The following AATK variants were observed in gnomAD, a reference collection of about 807,000 sequenced individuals.
AATK encodes the protein serine/threonine-protein kinase LMTK1.
AATK carries 91 observed loss-of-function variants against 114.3 expected under a neutral mutation model. The ratio of observed to expected loss-of-function variants is 0.80; its 90% CI spans 0.67 to 0.95. AATK has a LOEUF of 0.95. Ranked by LOEUF, AATK falls within the 40% of genes least tolerant of loss-of-function variation. AATK has a pLI of 0.00. For synonymous variants in AATK, 1,075 were observed against 916.5 expected (o/e 1.17, Z -3.12); for missense variants, 2,176 against 1,965.2 (o/e 1.11, Z -2.03).
At chr17:81,148,943 C>T (rs1330334698) in intron 1 of AATK, among the ~76,000 whole-genome samples, 1 of 152,168 alleles carries the variant, frequency 6.6e-6, no homozygotes, top group Non-Finnish European at 1.5e-5. Flanking sequence ...GGGCAGTTGG[C>T]GAGGTGTCCC....
rs547213048 is a variant in AATK, at chr17:81,158,716, G to A, written c.55+7222C>T. Among the ~76,000 whole-genome samples the A allele has an allele frequency of 9.8e-4, 149 of 152,362 alleles. 2 individuals carry two copies. The South Asian group carries it at 0.03, about 30-fold the overall frequency. On this transcript the variant is annotated intron_variant, in intron 1 of 13. Coordinates refer to ENST00000326724, the MANE Select transcript of AATK (RefSeq NM_001080395.3). ...AGAAGAGCTGGGCAGGACCTGGAAAGGCTCCTGACATCTTTCGCCACAGAA... is the reference window on the plus strand; with the variant it reads ...AGAAGAGCTGGGCAGGACCTGGAAAAGCTCCTGACATCTTTCGCCACAGAA...
chr17:81,122,242 T>G lies in AATK; in HGVS notation c.1694A>C (p.Asp565Ala). 3.3e-6 allele frequency: 5 copies of G among 1,492,754 alleles called. No individual in the cohort carries two copies. Among genetic ancestry groups the G allele is most frequent in the Non-Finnish European group, 4.4e-6 (5 of 1,123,836 alleles). The allele number at this position is 1,492,754 out of a possible 1,614,324, so 92.5% of individuals were successfully genotyped here. ...GGCCAGCGAGGCGGCGGTGCTGCCG[T>G]CAGAGTCGTCGTCCTGGTCCGCGGT... Reference protein sequence around the residue: ...PATADQDDDSDGSTAASLAME... With the variant: ...PATADQDDDSAGSTAASLAME... Residue 565 changes from aspartate to alanine, a missense_variant, in exon 11 of 14, where the codon GAC becomes GCC. Asp to Ala is a moderately radical substitution (Grantham distance 126, BLOSUM62 -2). Around this residue, in one of 4 missense-constraint regions of AATK, gnomAD observed 1,701 missense variants for 1,394.7 expected, o/e 1.22. Transcript: ENST00000326724.
Position 81,120,473 on chromosome 17 carries a change from C to G in AATK, c.3463G>C (p.Glu1155Gln). ...LALPGLPAAL[E>Q]GRPEEEEEDS... ...TCCTCCTCCTCCTCCGGCCGGCCCT[C>G]CAAGGCCGCAGGGAGGCCGGGCAGA... Residue 1155 changes from glutamate to glutamine, a missense_variant, in exon 11 of 14, where the codon GAG (glutamate) becomes CAG (glutamine). By Grantham distance (29) the Glu-to-Gln change is conservative. Coordinates refer to ENST00000326724, the MANE Select transcript of AATK (RefSeq NM_001080395.3). 1 of 1,531,086 alleles carries G rather than the reference C, an allele frequency of 6.5e-7. No homozygotes were observed. The highest frequency in any genetic ancestry group is 1.4e-5 in the African/African-American group (1 of 72,696). 94.8% of individuals were successfully genotyped at this position (1,531,086 alleles called of 1,614,324 possible).
chr17:81,120,670 ACCTTGGCTGGG>A lies in AATK; in HGVS notation c.3255_3265del (p.Pro1086AlafsTer27). 1 of 1,517,212 alleles carries A rather than the reference ACCTTGGCTGGG, an allele frequency of 6.6e-7. No individual in the cohort carries two copies. Among genetic ancestry groups the A allele is most frequent in the East Asian group, 2.3e-5 (1 of 42,804 alleles). The allele number at this position is 1,517,212 out of a possible 1,614,324, so 94.0% of individuals were successfully genotyped here. ...GCAGCTGGGGCTGGGCCCAGGCCGC[ACCTTGGCTGGG>A]CCTTGGGGCTCCGGAGGCTCTGGGA... On this transcript the variant is annotated frameshift_variant, in exon 11 of 14. Transcript: ENST00000326724. LOFTEE classifies it high-confidence loss of function.
At chr17:81,129,648 T>A (rs917039142) in intron 3 of AATK, among the ~76,000 whole-genome samples, 2 of 152,166 alleles carry the variant, frequency 1.3e-5, no homozygotes, top group African/African-American at 4.8e-5. Context: ...TTCGGGCTCC[T>A]GTTCGCCAAC....
At chr17:81,139,094 ACAC>A (rs1263250279) in intron 1 of AATK, among the ~76,000 whole-genome samples, 1 of 152,228 alleles carries the variant, frequency 6.6e-6, no homozygotes, top group Non-Finnish European at 1.5e-5. Context: ...ACATGTGCAC[ACAC>A]ATCCCCTGGC....
At chr17:81,164,569 C>T (rs574431193) in intron 1 of AATK, among the ~76,000 whole-genome samples, 5 of 152,326 alleles carry the variant, frequency 3.3e-5, no homozygotes, top group South Asian at 2.1e-4. Flanking sequence ...TGCTCGAAGG[C>T]GGGGGAAAGG....
intron 3 of AATK, chr17:81,129,069 G>A (rs1022816499): frequency 7.8e-5 from 22 of 282,178 alleles, no homozygotes; most frequent in East Asian, 1.5e-4. Flanking sequence ...TGAGGTCAGC[G>A]GGAGGAAGGG....
chr17:81,138,770 T>C (rs548457067), intron 1 of AATK, among the ~76,000 whole-genome samples: 2 of 135,824 alleles, frequency 1.5e-5, no homozygotes, highest in Non-Finnish European at 3.1e-5. Context: ...CACACCCACA[T>C]GCACGCACAC....
chr17:81,123,376 C>A, intron 9 of AATK, 33 bp from the exon 10 acceptor site: 1 of 1,332,768 alleles, frequency 7.5e-7, no homozygotes. Context: ...CAGGGCTGGG[C>A]ACAGCCTGCC....
intron 1 of AATK, among the ~76,000 whole-genome samples, chr17:81,138,735 GCACA>G (rs371634539): frequency 1.4e-4 from 20 of 142,860 alleles, no homozygotes; most frequent in African/African-American, 2.4e-4. Context: ...ACACATGCGC[GCACA>G]CAGATACCAA....
chr17:81,155,708 T>C (rs1412211448), intron 1 of AATK, among the ~76,000 whole-genome samples: 3 of 144,510 alleles, frequency 2.1e-5, no homozygotes, highest in African/African-American at 8.1e-5. Flanking sequence ...TTTTTTTTAA[T>C]AAGGTCTCAC....
In AATK at chr17:81,133,574, G is replaced by A. The variant is rs1040548227; in HGVS notation, c.189+794C>T. 7.9e-5 allele frequency among the ~76,000 whole-genome samples: 12 copies of A among 152,188 alleles called. No individual in the cohort carries two copies. In the East Asian group the frequency reaches 2.3e-3, roughly 29 times the overall value. ...CCCGTGGGCGTGTGAACCACCAGAG[G>A]TCCAGGCCAGGGTGTCATTTGCTCA... On this transcript the variant is annotated intron_variant, in intron 2 of 13. Transcript: ENST00000326724.
chr17:81,145,181 C>G (rs1354185062), intron 1 of AATK, among the ~76,000 whole-genome samples: 1 of 144,464 alleles, frequency 6.9e-6, no homozygotes, highest in Admixed American at 7.3e-5. Flanking sequence ...TGCAGTGAGT[C>G]AAGATTGTGC....
rs370478912 is a variant in AATK, at chr17:81,128,458, C to T, written c.414+12G>A. The T allele has an allele frequency of 1.9e-4, 289 of 1,548,556 alleles. 2 individuals carry two copies. In the African/African-American group the frequency reaches 2.5e-3, roughly 14 times the overall value. On this transcript the variant is annotated intron_variant, in intron 4 of 13. Transcript: ENST00000326724. ...CCAGGCGGGAGTCCTCCCTCCCAGG[C>T]GGGACACGTACCTTCCCGAACCAGC...
In AATK at chr17:81,120,958, C is replaced by T. The variant is rs370391415; in HGVS notation, c.2978G>A (p.Arg993Gln). The change falls in exon 11 of 14, where the codon CGA (arginine) becomes CAA (glutamine). Residue 993 changes from arginine to glutamine, a missense_variant. Arg to Gln is a conservative substitution (Grantham distance 43). This residue lies in a region of AATK where 1,701 missense variants were observed against 1,394.7 expected (regional missense o/e 1.22). Transcript: ENST00000326724. ...LSGLNEKNPYRDSAYFSDLEA... is the reference protein window; with the variant it reads ...LSGLNEKNPYQDSAYFSDLEA... ...GAGGTCTGAGAAGTAGGCAGAGTCTCGGTAGGGATTCTTCTCGTTGAGGCC... is the reference window on the plus strand; with the variant it reads ...GAGGTCTGAGAAGTAGGCAGAGTCTTGGTAGGGATTCTTCTCGTTGAGGCC... 22 of 1,609,296 alleles carry T rather than the reference C, an allele frequency of 1.4e-5. No individual in the cohort carries two copies. The highest frequency in any genetic ancestry group is 4.0e-5 in the African/African-American group (3 of 74,782).
At chr17:81,134,540 G>A (rs1375334795) in intron 1 of AATK, 39 bp from the exon 2 acceptor site, 1 of 1,591,600 alleles carries the variant, frequency 6.3e-7, no homozygotes, top group Non-Finnish European at 8.5e-7. Context: ...CCATGGCTGA[G>A]GGCCGGCCAG....
chr17:81,151,402 G>C (rs989016932), intron 1 of AATK, among the ~76,000 whole-genome samples: 1 of 67,184 alleles, frequency 1.5e-5, no homozygotes, highest in Non-Finnish European at 3.6e-5. Flanking sequence ...ATGACGCAAG[G>C]CTCCTGGGGC....
chr17:81,128,046 G>T, intron 4 of AATK, 136 bp from the exon 5 acceptor site: 1 of 1,071,698 alleles, frequency 9.3e-7, no homozygotes, highest in Non-Finnish European at 1.3e-6. Flanking sequence ...TCCACTCATT[G>T]CAGCGTGAGG....
Sources: allele counts gnomAD v4.1 joint callset (sites outside exome capture counted in the v4.1 genomes callset), GRCh38; gene constraint gnomAD v4.1.1; regional missense constraint gnomAD v4.1.1; transcripts MANE v1.5; gene names NCBI Gene and HGNC (gene_info 2026-07-23, HGNC 2026-07-21).